The following PTPN21 variants were observed in gnomAD, a reference collection of about 807,000 sequenced individuals.
The protein encoded by PTPN21 is protein tyrosine phosphatase non-receptor type 21, also known as tyrosine-protein phosphatase non-receptor type 21.
A neutral mutation model predicts 131.8 loss-of-function variants in PTPN21; 77 were observed. The ratio of observed to expected loss-of-function variants is 0.58; its 90% CI spans 0.49 to 0.71. The LOEUF (loss-of-function observed/expected upper bound fraction) is 0.71. PTPN21 is among the 30% of genes least tolerant of loss of function. The pLI, the probability that PTPN21 is intolerant of heterozygous loss-of-function variation, is 0.00. For missense variants in PTPN21, 1,552 were observed against 1,527.1 expected, an observed-to-expected ratio of 1.02 and a Z score of -0.27; for synonymous variants, 715 against 621.3, an observed-to-expected ratio of 1.15 and a Z score of -2.24.
At chr14:88,485,030 C>T in intron 12 of PTPN21, 46 bp downstream of exon 12, 1 of 1,441,440 alleles carries the variant, frequency 6.9e-7, no homozygotes, top group Non-Finnish European at 9.8e-7. Flanking sequence ...ACAGATTTAT[C>T]CATAGTCATA....
intron 3 of PTPN21, among the ~76,000 whole-genome samples, chr14:88,514,452 C>G (rs981578158): frequency 1.3e-5 from 2 of 151,026 alleles, no homozygotes; most frequent in African/African-American, 2.4e-5. Context: ...TTGTTCTCCC[C>G]CTTTGTTTTC....
At chr14:88,482,182 G>A (rs1459092042) in intron 12 of PTPN21, among the ~76,000 whole-genome samples, 2 of 152,232 alleles carry the variant, frequency 1.3e-5, no homozygotes, top group Admixed American at 1.3e-4. Flanking sequence ...GTGCAGAGCG[G>A]CACTGGCAAA....
intron 9 of PTPN21, 125 bp from the exon 10 acceptor site, chr14:88,496,617 A>G: frequency 1.4e-6 from 1 of 715,246 alleles, no homozygotes; most frequent in Non-Finnish European, 2.4e-6. Context: ...AGAACACTAT[A>G]AGCCTTTCAT....
chr14:88,553,371 T>G (rs1030589365), intron 1 of PTPN21, among the ~76,000 whole-genome samples: 4 of 152,174 alleles, frequency 2.6e-5, no homozygotes, highest in African/African-American at 9.7e-5. Flanking sequence ...AATTTACAAA[T>G]TTATCAATGA....
intron 8 of PTPN21, among the ~76,000 whole-genome samples, chr14:88,498,508 A>G (rs2077959435): frequency 6.6e-6 from 1 of 152,244 alleles, no homozygotes; most frequent in African/African-American, 2.4e-5. Context: ...ATTCAACAAA[A>G]TAAAAGACAC....
intron 9 of PTPN21, 90 bp downstream of exon 9, chr14:88,497,113 C>A: frequency 9.8e-7 from 1 of 1,019,920 alleles, no homozygotes; most frequent in Admixed American, 1.9e-5. Context: ...TTTAATGCTG[C>A]CCTGCCTCCA....
At chr14:88,531,654 G>A (rs1347545640) in intron 2 of PTPN21, among the ~76,000 whole-genome samples, 1 of 152,070 alleles carries the variant, frequency 6.6e-6, no homozygotes, top group Non-Finnish European at 1.5e-5. Context: ...AGCATTAAAT[G>A]CCTGTATCAA....
At chr14:88,512,205 A>C (rs532059784) in intron 3 of PTPN21, 3 of 152,160 alleles carry the variant, frequency 2.0e-5, no homozygotes, top group African/African-American at 4.8e-5. Flanking sequence ...ACATCGTGCC[A>C]CCTGTAAGTA....
rs751247693 is a variant in PTPN21, at chr14:88,479,408, G to A, written c.2023C>T (p.Pro675Ser). ...APRAVSVGSQ[P>S]SVFTERTQRE... ...TGTGTCCTCTCGGTGAAAACGCTGG[G>A]CTGGGAGCCCACCGAGACGGCTCGC... The change falls in exon 13 of 19, where the codon CCC (proline) becomes TCC (serine). Residue 675 changes from proline to serine, a missense_variant. Pro to Ser is a moderately conservative substitution (Grantham distance 74). Around this residue, in one of 4 missense-constraint regions of PTPN21, gnomAD observed 1,016 missense variants for 883.5 expected, o/e 1.15. Coordinates refer to ENST00000556564, the MANE Select transcript of PTPN21 (RefSeq NM_007039.4). 1 of 1,603,690 alleles carries A rather than the reference G, an allele frequency of 6.2e-7. No individual in the cohort carries two copies. Among genetic ancestry groups the A allele is most frequent in the South Asian group, 1.1e-5 (1 of 91,046 alleles).
At chr14:88,472,118 A>G in intron 15 of PTPN21, 126 bp downstream of exon 15, 1 of 646,806 alleles carries the variant, frequency 1.5e-6, no homozygotes, top group Non-Finnish European at 2.7e-6. Context: ...TGTTTATCTA[A>G]AACAATACAA....
intron 2 of PTPN21, among the ~76,000 whole-genome samples, chr14:88,524,828 C>T (rs1457312567): frequency 6.6e-6 from 1 of 151,700 alleles, no homozygotes; most frequent in Admixed American, 6.6e-5. Context: ...TCACTTGGGC[C>T]CAGGAGACCA....
chr14:88,524,121 G>A (rs1181503753), intron 2 of PTPN21, among the ~76,000 whole-genome samples: 1 of 152,122 alleles, frequency 6.6e-6, no homozygotes, highest in Non-Finnish European at 1.5e-5. Flanking sequence ...GAGATAAAAA[G>A]CCAATCCTCA....
Position 88,479,133 on chromosome 14 carries a change from G to C in PTPN21, c.2298C>G (p.Asp766Glu). ...HILEPKAHVP[D>E]AEKRMMDSSP... ...TGCTGTCCATCATCCTCTTCTCCGC[G>C]TCTGGGACGTGGGCCTTGGGCTCCA... The change falls in exon 13 of 19, where the codon GAC becomes GAG. Residue 766 changes from aspartate (D) to glutamate (E), a missense_variant. By Grantham distance (45) the Asp-to-Glu change is conservative. Around this residue, in one of 4 missense-constraint regions of PTPN21, gnomAD observed 1,016 missense variants for 883.5 expected, o/e 1.15. Transcript: ENST00000556564. 6.4e-7 allele frequency: 1 copy of C among 1,554,326 alleles called. No homozygotes were observed. Among genetic ancestry groups the C allele is most frequent in the Non-Finnish European group, 8.7e-7 (1 of 1,152,332 alleles).
At chr14:88,471,880 G>C (rs2140084221) in intron 15 of PTPN21, among the ~76,000 whole-genome samples, 1 of 151,662 alleles carries the variant, frequency 6.6e-6, no homozygotes, top group African/African-American at 2.4e-5. Flanking sequence ...CACTCCACCT[G>C]TCTGGGCGAC....
chr14:88,527,091 AT>A (rs909471575), intron 2 of PTPN21, among the ~76,000 whole-genome samples: 5 of 152,260 alleles, frequency 3.3e-5, no homozygotes, highest in African/African-American at 1.2e-4. Flanking sequence ...TATTTTTGCA[AT>A]TGTGAATTGT....
At chr14:88,548,117 T>C (rs369524011) in intron 2 of PTPN21, among the ~76,000 whole-genome samples, 3 of 152,198 alleles carry the variant, frequency 2.0e-5, no homozygotes, top group South Asian at 4.1e-4. Flanking sequence ...CGGTAGGTCC[T>C]GATCCAGATT....
chr14:88,500,226 G>A (rs1257807213), intron 8 of PTPN21, among the ~76,000 whole-genome samples: 2 of 152,172 alleles, frequency 1.3e-5, no homozygotes, highest in Non-Finnish European at 2.9e-5. Context: ...GAGCCCAAGA[G>A]TTTGAGACTA....
rs1211910798 is a variant in PTPN21, at chr14:88,517,194, G to A, written c.248C>T (p.Pro83Leu). 6.2e-7 allele frequency: 1 copy of A among 1,613,880 alleles called. No homozygotes were observed. Among genetic ancestry groups the A allele is most frequent in the Non-Finnish European group, 8.5e-7 (1 of 1,179,970 alleles). ...ATATTTATCCAGCTGCTTCTTCAAAGGTTTTTCCAAATCTACCCACCGGCG... is the reference window on the plus strand; with the variant it reads ...ATATTTATCCAGCTGCTTCTTCAAAAGTTTTTCCAAATCTACCCACCGGCG... Reference protein sequence around the residue: ...NQRRWVDLEKPLKKQLDKYAL... With the variant: ...NQRRWVDLEKLLKKQLDKYAL... Residue 83 changes from proline (P) to leucine (L), a missense_variant, in exon 3 of 19, where the codon CCT (proline) becomes CTT (leucine). Physicochemically the swap from Pro to Leu is moderately conservative, Grantham distance 98 (BLOSUM62 -3). This residue lies in a region of PTPN21 where 206 missense variants were observed against 221.6 expected (regional missense o/e 0.93). Coordinates refer to ENST00000556564, the MANE Select transcript of PTPN21 (RefSeq NM_007039.4).
At chr14:88,497,527 T>G (rs559461744) in intron 8 of PTPN21, among the ~76,000 whole-genome samples, 1 of 152,032 alleles carries the variant, frequency 6.6e-6, no homozygotes, top group East Asian at 1.9e-4. Context: ...CTCAGCACTT[T>G]GGGAGGCCAA....
Sources: allele counts gnomAD v4.1 joint callset (sites outside exome capture counted in the v4.1 genomes callset), GRCh38; gene constraint gnomAD v4.1.1; regional missense constraint gnomAD v4.1.1; transcripts MANE v1.5; gene names NCBI Gene and HGNC (gene_info 2026-07-23, HGNC 2026-07-21).